The following EYA2 variants were observed in gnomAD, a reference collection of about 807,000 sequenced individuals.
The protein encoded by EYA2 is EYA transcriptional coactivator and phosphatase 2.
A neutral mutation model predicts 69.2 loss-of-function variants in EYA2; 31 were observed. The ratio of observed to expected loss-of-function variants is 0.45; its 90% CI spans 0.34 to 0.60. The LOEUF (loss-of-function observed/expected upper bound fraction) is 0.60. Among genes scored for constraint, EYA2 ranks in the 20% least tolerant of loss-of-function variants. The pLI, the probability that EYA2 is intolerant of heterozygous loss-of-function variation, is 0.02. For synonymous variants in EYA2, 257 were observed against 279.4 expected (o/e 0.92, Z 0.80); for missense variants, 622 against 701.2 (o/e 0.89, Z 1.28).
chr20:46,970,074 T>C (rs1344520947), intron 1 of EYA2, among the ~76,000 whole-genome samples: 5 of 152,198 alleles, frequency 3.3e-5, no homozygotes, highest in Non-Finnish European at 5.9e-5. Flanking sequence ...TATTAAAACA[T>C]AGATCAACTC....
chr20:47,169,551 T>C (rs2034277384), intron 11 of EYA2, among the ~76,000 whole-genome samples: 1 of 152,202 alleles, frequency 6.6e-6, no homozygotes, highest in Admixed American at 6.5e-5. Flanking sequence ...CTACAGTCTC[T>C]TGCTCATCAC....
At chr20:47,048,618 T>A (rs1472413779) in intron 5 of EYA2, among the ~76,000 whole-genome samples, 4 of 152,158 alleles carry the variant, frequency 2.6e-5, no homozygotes, top group African/African-American at 9.7e-5. Flanking sequence ...CACCTTTTAA[T>A]CACAGCTACT....
chr20:47,159,964 G>A (rs893079472), intron 10 of EYA2, among the ~76,000 whole-genome samples: 2 of 152,134 alleles, frequency 1.3e-5, no homozygotes, highest in Non-Finnish European at 1.5e-5. Flanking sequence ...GGGCAGTGTA[G>A]TGAGGAGAGG....
chr20:47,181,729 AT>A (rs1376212419), intron 14 of EYA2, among the ~76,000 whole-genome samples: 3 of 149,856 alleles, frequency 2.0e-5, no homozygotes, highest in Non-Finnish European at 4.4e-5. Context: ...AATAAAAAAA[AT>A]AAATAATTTA....
rs1981192289 is a variant in EYA2, at chr20:46,986,380, T to C, written c.-10-3621T>C. The stretch of plus-strand genomic sequence containing the variant: ...ATTAGATATATTATATATTATGTAT[T>C]ATATATCGATATATAATATATAGAT... On this transcript the variant is annotated intron_variant, in intron 1 of 15. Coordinates refer to ENST00000327619, the MANE Select transcript of EYA2 (RefSeq NM_005244.5). Among the ~76,000 whole-genome samples, 5 of 15,048 alleles carry C rather than the reference T, an allele frequency of 3.3e-4. 1 individual carries two copies. In the South Asian group the frequency reaches 0.017, roughly 50 times the overall value. 9.9% of individuals were successfully genotyped at this position (15,048 alleles called of 152,430 possible). A position where few individuals can be genotyped will look rare whatever the true frequency, so the allele number is the denominator to read the frequency against.
At chr20:46,943,166 A>G (rs958793103) in intron 1 of EYA2, among the ~76,000 whole-genome samples, 1 of 152,202 alleles carries the variant, frequency 6.6e-6, no homozygotes, top group Non-Finnish European at 1.5e-5. Context: ...TGGCTGTCAC[A>G]TCTAGAGGGG....
Position 47,118,587 on chromosome 20 carries a change from A to C in EYA2, c.888+21419A>C, listed in dbSNP as rs76067358. Reference sequence around the variant, plus strand: ...TCCCTAAGCCAGGGACCTTCATGCCAAGTACCCCCGCTTATGTATTTTACA... The same window carrying C: ...TCCCTAAGCCAGGGACCTTCATGCCCAGTACCCCCGCTTATGTATTTTACA... On this transcript the variant is annotated intron_variant, in intron 9 of 15. Coordinates refer to ENST00000327619, the MANE Select transcript of EYA2 (RefSeq NM_005244.5). 3.0e-3 allele frequency among the ~76,000 whole-genome samples: 461 copies of C among 152,288 alleles called. 7 individuals are homozygous for C. Among genetic ancestry groups the C allele is most frequent in the African/African-American group, 0.011 (448 of 41,542 alleles).
intron 1 of EYA2, among the ~76,000 whole-genome samples, chr20:46,915,525 T>A (rs1329923718): frequency 1.3e-5 from 2 of 152,178 alleles, no homozygotes; most frequent in African/African-American, 4.8e-5. Context: ...CTCAGAGCCT[T>A]GGTGATACCC....
At chr20:47,175,696 C>T (rs951951710) in intron 12 of EYA2, among the ~76,000 whole-genome samples, 2 of 152,096 alleles carry the variant, frequency 1.3e-5, no homozygotes, top group Non-Finnish European at 2.9e-5. Flanking sequence ...CACTTCCCAG[C>T]GTGGAGCAAA....
intron 1 of EYA2, among the ~76,000 whole-genome samples, chr20:46,969,085 AC>A (rs2146297320): frequency 6.7e-6 from 1 of 149,944 alleles, no homozygotes; most frequent in South Asian, 2.1e-4. Flanking sequence ...GATTTTTTTT[AC>A]CAGCAAAAGA....
intron 11 of EYA2, among the ~76,000 whole-genome samples, chr20:47,169,929 G>A (rs894635459): frequency 1.3e-5 from 2 of 151,608 alleles, no homozygotes; most frequent in Non-Finnish European, 2.9e-5. Flanking sequence ...TTTTGAGGCT[G>A]ACTTTCACTC....
At chr20:47,184,583 A>AT (rs2034600427) in intron 15 of EYA2, among the ~76,000 whole-genome samples, 1 of 110,694 alleles carries the variant, frequency 9.0e-6, no homozygotes, top group Non-Finnish European at 1.7e-5. Flanking sequence ...TACCTGGTTA[A>AT]TTTTTTGTAT....
chr20:46,896,363 A>AT (rs1178940799), intron 1 of EYA2, among the ~76,000 whole-genome samples: 3 of 151,780 alleles, frequency 2.0e-5, no homozygotes, highest in Admixed American at 6.6e-5. Context: ...ACTATGACCC[A>AT]TTTGTTAGCA....
chr20:46,987,944 CTCTCTCTCTCTCTCTCTCTCTATA>C (rs1981353804), intron 1 of EYA2, among the ~76,000 whole-genome samples: 1 of 40,494 alleles, frequency 2.5e-5, no homozygotes, highest in Non-Finnish European at 4.5e-5. Context: ...CTCTCTCTCT[CTCTCTCTCTCTCTCTCTCTCTATA>C]TATATATATA....
At chr20:47,071,918 C>T in intron 5 of EYA2, 1 of 476,680 alleles carries the variant, frequency 2.1e-6, no homozygotes, top group Non-Finnish European at 3.8e-6. Flanking sequence ...TGAGCCATAG[C>T]CACGGCCGCA....
At chr20:47,059,127 T>C (rs1256228974) in intron 5 of EYA2, among the ~76,000 whole-genome samples, 1 of 152,120 alleles carries the variant, frequency 6.6e-6, no homozygotes, top group Non-Finnish European at 1.5e-5. Context: ...AAAATGTGCA[T>C]GAACCAAATT....
At chr20:46,942,278 G>C (rs1252718138) in intron 1 of EYA2, among the ~76,000 whole-genome samples, 1 of 151,966 alleles carries the variant, frequency 6.6e-6, no homozygotes, top group Non-Finnish European at 1.5e-5. Context: ...TACAATTACA[G>C]CTCACTGCAG....
chr20:47,142,650 C>T (rs951877868), intron 9 of EYA2, among the ~76,000 whole-genome samples: 5 of 152,302 alleles, frequency 3.3e-5, no homozygotes, highest in African/African-American at 4.8e-5. Flanking sequence ...CCAACTCTCC[C>T]AGTAGTTTAT....
chr20:46,954,215 T>C (rs757355677), intron 1 of EYA2, among the ~76,000 whole-genome samples: 1 of 152,070 alleles, frequency 6.6e-6, no homozygotes, highest in Non-Finnish European at 1.5e-5. Flanking sequence ...TTTAAGCGCC[T>C]CCTGTTTATT....
Sources: gnomAD v4.1 joint callset for allele counts (sites outside exome capture counted in the v4.1 genomes callset) on GRCh38, gnomAD v4.1.1 for gene constraint, MANE v1.5 for transcripts, NCBI Gene and HGNC (gene_info 2026-07-23, HGNC 2026-07-21) for gene names.